Variants in CS observed in about 807,000 individuals in gnomAD.
CS encodes the protein citrate synthase, mitochondrial.
CS carries 13 observed loss-of-function variants against 61.4 expected under a neutral mutation model. The ratio of observed to expected loss-of-function variants is 0.21; its 90% CI spans 0.14 to 0.34. The LOEUF is 0.34. Among genes scored for constraint, CS ranks in the 10% least tolerant of loss-of-function variants. The pLI, the probability that CS is intolerant of heterozygous loss-of-function variation, is 1.00. For missense variants in CS, 278 were observed against 573.4 expected (o/e 0.48, Z 5.26); for synonymous variants, 159 against 215.2 (o/e 0.74, Z 2.29).
At position 56,271,774 on chromosome 12, in the gene CS, C is replaced by T; in HGVS notation, c.*1310G>A. ...TCTCCATCATGACTTGACAGTTACC[C>T]AGGGGTTTACAGTGTGTCCAACTCA... is the stretch of plus-strand genomic sequence containing the variant. On this transcript the variant is annotated 3_prime_UTR_variant, in exon 11 of 11. Transcript: ENST00000351328. The T allele has an allele frequency of 2.5e-6, 1 of 399,222 alleles. No homozygotes were observed. 24.7% of individuals were successfully genotyped at this position (399,222 alleles called of 1,614,324 possible).
At position 56,282,502 on chromosome 12, in the gene CS, C is replaced by T. The variant is rs766020907; in HGVS notation, c.506G>A (p.Ser169Asn). 1.2e-6 allele frequency: 2 copies of T among 1,614,104 alleles called. No individual in the cohort carries two copies. Among genetic ancestry groups the T allele is most frequent in the Admixed American group, 1.7e-5 (1 of 59,998 alleles). Residue 169 changes from serine (S) to asparagine (N), a missense_variant, in exon 6 of 11, where the codon AGT (serine) becomes AAT (asparagine). Transcript: ENST00000351328. ...ACTGTTGAGGGCTGTAACAGCTGCA[C>T]TGAGCTGAGACATGGGGTGTAGATT... The part of the protein sequence containing the change: ...PTNLHPMSQL[S>N]AAVTALNSES...
intron 3 of CS, among the ~76,000 whole-genome samples, chr12:56,284,079 G>C (rs926802418): frequency 6.6e-6 from 1 of 152,084 alleles, no homozygotes. Context: ...CCAGCACTTT[G>C]GGAAGCCGAG....
intron 1 of CS, among the ~76,000 whole-genome samples, chr12:56,292,628 T>C (rs1479771476): frequency 6.8e-6 from 1 of 146,888 alleles, no homozygotes; most frequent in Non-Finnish European, 1.5e-5. Flanking sequence ...CTCACGCCTG[T>C]AATCCCAGCA....
intron 6 of CS, among the ~76,000 whole-genome samples, chr12:56,277,453 C>T (rs549214883): frequency 5.5e-5 from 8 of 145,424 alleles, no homozygotes; most frequent in African/African-American, 1.3e-4. Context: ...GAGCCAAGAT[C>T]GTGCCACTGT....
chr12:56,290,088 G>A (rs959805929), intron 1 of CS, among the ~76,000 whole-genome samples: 2 of 152,000 alleles, frequency 1.3e-5, no homozygotes, highest in South Asian at 2.1e-4. Context: ...TAGAGACAGG[G>A]TTTCACCACG....
At chr12:56,286,378 G>A in intron 2 of CS, 2 of 543,818 alleles carry the variant, frequency 3.7e-6, no homozygotes, top group Non-Finnish European at 6.5e-6. Flanking sequence ...AAAGAATTAG[G>A]CAAATGTATT....
chr12:56,284,114 A>AG (rs1872857636), intron 3 of CS, among the ~76,000 whole-genome samples: 1 of 151,008 alleles, frequency 6.6e-6, no homozygotes, highest in Non-Finnish European at 1.5e-5. Context: ...TGAGGTCAGG[A>AG]GTTTGAGACC....
In CS at chr12:56,275,188, A is replaced by G. The variant is rs769262706; in HGVS notation, c.789-57T>C. 5.0e-6 allele frequency: 8 copies of G among 1,608,930 alleles called. No homozygotes were observed. In the Admixed American group the frequency reaches 8.4e-5, roughly 17 times the overall value. On this transcript the variant is annotated intron_variant, in intron 7 of 10. Transcript: ENST00000351328. ...AAGAAAGAAGGGGCAGATTATGGAA[A>G]CTTTGCTGTTCTCTTATTTGCCACT...
chr12:56,278,160 T>C (rs1448263379), intron 6 of CS, among the ~76,000 whole-genome samples: 1 of 152,104 alleles, frequency 6.6e-6, no homozygotes, highest in African/African-American at 2.4e-5. Flanking sequence ...AGACGGAGTC[T>C]CACCCTGTCG....
intron 1 of CS, chr12:56,298,486 A>G (rs1405093573): frequency 3.7e-6 from 1 of 269,356 alleles, no homozygotes; most frequent in Non-Finnish European, 5.7e-6. Context: ...GCTTTTTCAC[A>G]TTCACTGCAG....
intron 1 of CS, chr12:56,299,820 G>GTC (rs1873423903): frequency 3.4e-6 from 1 of 292,028 alleles, no homozygotes; most frequent in Non-Finnish European, 6.5e-6. Flanking sequence ...CACATCTCTA[G>GTC]TCTCTACCAG....
At chr12:56,295,836 C>A (rs1296306758) in intron 1 of CS, among the ~76,000 whole-genome samples, 1 of 150,964 alleles carries the variant, frequency 6.6e-6, no homozygotes, top group Non-Finnish European at 1.5e-5. Context: ...CGCCTACAGT[C>A]CCAGCTACTC....
chr12:56,283,890 A>AT (rs1872850431), intron 3 of CS, 33 bp from the exon 4 acceptor site: 1 of 1,512,504 alleles, frequency 6.6e-7, no homozygotes, highest in East Asian at 2.3e-5. Context: ...GAAAAAAAAA[A>AT]GAGGCTGTGG....
At chr12:56,289,693 C>T (rs913514050) in intron 1 of CS, among the ~76,000 whole-genome samples, 12 of 152,066 alleles carry the variant, frequency 7.9e-5, no homozygotes, top group Non-Finnish European at 1.2e-4. Context: ...CTGCCCGCCT[C>T]GGCCTCCCAA....
chr12:56,274,895 G>A lies in CS; in HGVS notation c.919-17C>T, dbSNP rs1872591185. 1 of 1,603,586 alleles carries A rather than the reference G, an allele frequency of 6.2e-7. No homozygotes were observed. The highest frequency in any genetic ancestry group is 1.3e-5 in the African/African-American group (1 of 74,386). On this transcript the variant is annotated splice_polypyrimidine_tract_variant and intron_variant, in intron 8 of 10. Transcript: ENST00000351328. ...AAGCACTTCCTATGGGTAAGGTTTG[G>A]GGAAAAAGGGAATGTTAATACATAT...
chr12:56,287,937 C>T (rs1355707993), intron 1 of CS, among the ~76,000 whole-genome samples: 2 of 152,102 alleles, frequency 1.3e-5, no homozygotes, highest in African/African-American at 2.4e-5. Context: ...GGATTACAGG[C>T]GTAAGCCACC....
At chr12:56,289,380 C>T (rs960320715) in intron 1 of CS, among the ~76,000 whole-genome samples, 3 of 152,116 alleles carry the variant, frequency 2.0e-5, no homozygotes, top group African/African-American at 7.2e-5. Flanking sequence ...TACATCAGCC[C>T]AGCAGGAGAC....
chr12:56,273,996 G>A, intron 9 of CS, 200 bp from the exon 10 acceptor site: 1 of 529,218 alleles, frequency 1.9e-6, no homozygotes, highest in Non-Finnish European at 3.3e-6. Context: ...AACACATCTG[G>A]CTTTTTTTTT....
rs191605758 is a variant in CS, at chr12:56,293,684, A to C, written c.42+6476T>G. Among the ~76,000 whole-genome samples, 23 of 152,340 alleles carry C rather than the reference A, an allele frequency of 1.5e-4. No homozygotes were observed. In the East Asian group the frequency reaches 4.1e-3, roughly 27 times the overall value. ...AGCTGAGATTGCGCCATTGCACTCC[A>C]GCCTGGGTGACAGAGCAAGACTCCG... On this transcript the variant is annotated intron_variant, in intron 1 of 10. Coordinates refer to ENST00000351328, the MANE Select transcript of CS (RefSeq NM_004077.3).
Sources: gnomAD v4.1 joint callset for allele counts (sites outside exome capture counted in the v4.1 genomes callset) on GRCh38, gnomAD v4.1.1 for gene constraint, MANE v1.5 for transcripts, NCBI Gene and HGNC (gene_info 2026-07-23, HGNC 2026-07-21) for gene names.